Variants in DNM3 observed in about 807,000 individuals in gnomAD.
DNM3 encodes the protein dynamin-3.
A neutral mutation model predicts 101.6 loss-of-function variants in DNM3; 47 were observed. That is an observed-to-expected ratio of 0.46 (90% CI 0.37 to 0.59). The LOEUF (loss-of-function observed/expected upper bound fraction) is 0.59. DNM3 is among the 20% of genes least tolerant of loss of function. The probability of loss-of-function intolerance (pLI) is 0.00; values close to 1 mark genes in which losing one functional copy is unlikely to be tolerated. For missense variants in DNM3, 849 were observed against 1,085.7 expected, an observed-to-expected ratio of 0.78 and a Z score of 3.06; for synonymous variants, 385 against 387.9, an observed-to-expected ratio of 0.99 and a Z score of 0.09.
chr1:171,937,509 A>G (rs943070539), intron 2 of DNM3, among the ~76,000 whole-genome samples: 4 of 152,204 alleles, frequency 2.6e-5, no homozygotes, highest in Non-Finnish European at 5.9e-5. Context: ...AGACTCCTGG[A>G]CATCACCCCT....
intron 8 of DNM3, among the ~76,000 whole-genome samples, chr1:172,042,770 C>T (rs10910968): frequency 0.37 from 55,703 of 151,886 alleles, 10,670 homozygotes; most frequent in East Asian, 0.64. Context: ...GAAGTGAATT[C>T]AGAGAGGGAG....
intron 14 of DNM3, among the ~76,000 whole-genome samples, chr1:172,159,919 G>T (rs542564732): frequency 6.6e-6 from 1 of 151,882 alleles, no homozygotes; most frequent in Non-Finnish European, 1.5e-5. Context: ...AGGCTATATG[G>T]TATATAGCCC....
At chr1:172,254,716 A>G (rs2062329900) in intron 15 of DNM3, among the ~76,000 whole-genome samples, 1 of 152,122 alleles carries the variant, frequency 6.6e-6, no homozygotes, top group Admixed American at 6.6e-5. Flanking sequence ...TGAGCTGACC[A>G]TCACAGAGTG....
intron 13 of DNM3, among the ~76,000 whole-genome samples, chr1:172,109,227 T>C (rs888168367): frequency 4.6e-5 from 7 of 152,260 alleles, no homozygotes; most frequent in Admixed American, 2.6e-4. Flanking sequence ...ATTTTTAGCA[T>C]ATATATTTTA....
At chr1:172,092,941 G>T (rs1481314462) in intron 13 of DNM3, 66 bp downstream of exon 13, 1 of 1,412,346 alleles carries the variant, frequency 7.1e-7, no homozygotes, top group African/African-American at 1.5e-5. Flanking sequence ...TCGCTTGATT[G>T]ACTATTTTTT....
intron 1 of DNM3, among the ~76,000 whole-genome samples, chr1:171,870,839 A>G (rs2035210075): frequency 6.6e-6 from 1 of 152,208 alleles, no homozygotes; most frequent in Non-Finnish European, 1.5e-5. Flanking sequence ...GTTGAAAGGT[A>G]GTACCCAGGA....
intron 14 of DNM3, among the ~76,000 whole-genome samples, chr1:172,227,509 G>GT (rs2061178093): frequency 6.6e-6 from 1 of 151,822 alleles, no homozygotes; most frequent in South Asian, 2.1e-4. Flanking sequence ...TCTCCATACT[G>GT]TTTTCCATAG....
At chr1:172,172,497 G>A (rs921385179) in intron 14 of DNM3, among the ~76,000 whole-genome samples, 2 of 151,682 alleles carry the variant, frequency 1.3e-5, no homozygotes, top group African/African-American at 4.8e-5. Flanking sequence ...TTGGTGCACA[G>A]TTTATAACTT....
chr1:172,411,431 C>T lies in DNM3; in HGVS notation c.*3590C>T, dbSNP rs2071196032. 1 of 984,456 alleles carries T rather than the reference C, an allele frequency of 1.0e-6. No individual in the cohort carries two copies. 61.0% of individuals were successfully genotyped at this position (984,456 alleles called of 1,614,324 possible). A position where few individuals can be genotyped will look rare whatever the true frequency, so the allele number is the denominator to read the frequency against. On this transcript the variant is annotated 3_prime_UTR_variant, in exon 21 of 21. Transcript: ENST00000627582. ...GGTAAGAAGTAAAACCTCTGGAGAC[C>T]TATCTTTAAGATCTCTAATTGGAAT... is the stretch of plus-strand genomic sequence containing the variant.
chr1:172,248,368 T>A (rs2062038773), intron 14 of DNM3, among the ~76,000 whole-genome samples: 1 of 152,150 alleles, frequency 6.6e-6, no homozygotes, highest in Non-Finnish European at 1.5e-5. Context: ...TATTAAGCAA[T>A]GTCTGTATAT....
intron 2 of DNM3, among the ~76,000 whole-genome samples, chr1:171,945,715 C>T (rs144181502): frequency 4.2e-4 from 64 of 152,008 alleles, no homozygotes; most frequent in African/African-American, 1.0e-3. Flanking sequence ...TTATCTCACT[C>T]GGAAACAAGA....
intron 4 of DNM3, among the ~76,000 whole-genome samples, chr1:172,030,794 T>C (rs1426032333): frequency 6.6e-6 from 1 of 152,000 alleles, no homozygotes; most frequent in Non-Finnish European, 1.5e-5. Flanking sequence ...AACAAACATA[T>C]GAAAAAAAGC....
chr1:172,353,110 C>T (rs1313972224), intron 17 of DNM3, among the ~76,000 whole-genome samples: 1 of 152,136 alleles, frequency 6.6e-6, no homozygotes, highest in Non-Finnish European at 1.5e-5. Context: ...ATCCACAGGC[C>T]ACAGGTGCAC....
rs552626085 is a variant in DNM3 at position 172,270,604 on chromosome 1, C to T, written c.1769+16922C>T. Among the ~76,000 whole-genome samples the T allele has an allele frequency of 5.9e-5, 9 of 152,216 alleles. No individual in the cohort carries two copies. In the South Asian group the frequency reaches 1.9e-3, roughly 32 times the overall value. ...CATTCAAAGGGAAACTATTTACTGG[C>T]ATGTGTAATTAATTTTAATTAACAC... On this transcript the variant is annotated intron_variant, in intron 15 of 20. Coordinates refer to ENST00000627582, the MANE Select transcript of DNM3 (RefSeq NM_015569.5).
At chr1:172,083,287 A>G (rs957527413) in intron 12 of DNM3, among the ~76,000 whole-genome samples, 3 of 152,068 alleles carry the variant, frequency 2.0e-5, no homozygotes, top group Admixed American at 6.6e-5. Context: ...TGGGGGGGGA[A>G]TGTAGAAAAA....
At chr1:172,151,209 G>GT (rs1014751131) in intron 14 of DNM3, among the ~76,000 whole-genome samples, 34 of 152,206 alleles carry the variant, frequency 2.2e-4, no homozygotes, top group Admixed American at 1.9e-3. Flanking sequence ...CATGTGCAGT[G>GT]TTTTTTTGTA....
At chr1:172,312,357 G>T (rs976081862) in intron 16 of DNM3, among the ~76,000 whole-genome samples, 2 of 152,096 alleles carry the variant, frequency 1.3e-5, no homozygotes, top group African/African-American at 2.4e-5. Context: ...CCTCTATTTT[G>T]ACTGGAAAGA....
At chr1:171,912,417 TTGTC>T (rs1453851494) in intron 1 of DNM3, among the ~76,000 whole-genome samples, 1 of 152,128 alleles carries the variant, frequency 6.6e-6, no homozygotes, top group Non-Finnish European at 1.5e-5. Flanking sequence ...GCTTAAATCA[TTGTC>T]TGTCTGTCTG....
Position 172,217,452 on chromosome 1 carries a change from C to T in DNM3, c.1660-36121C>T, listed in dbSNP as rs371096454. 9.2e-5 allele frequency among the ~76,000 whole-genome samples: 14 copies of T among 152,192 alleles called. No individual in the cohort carries two copies. In the South Asian group the frequency reaches 2.7e-3, roughly 29 times the overall value. The stretch of plus-strand genomic sequence containing the variant: ...TCTCCTACTGGCTCCTTTTGTGTAG[C>T]GGTAAGTGAAGATTCAATGGGACAA... On this transcript the variant is annotated intron_variant, in intron 14 of 20. Transcript: ENST00000627582.
Sources: allele counts gnomAD v4.1 joint callset (sites outside exome capture counted in the v4.1 genomes callset), GRCh38; gene constraint gnomAD v4.1.1; transcripts MANE v1.5; gene names NCBI Gene and HGNC (gene_info 2026-07-23, HGNC 2026-07-21).